The following ANKFN1 variants were observed in gnomAD, a reference collection of about 807,000 sequenced individuals.
ANKFN1 encodes ankyrin repeat and fibronectin type-III domain-containing protein 1.
Under a neutral mutation model 108.7 loss-of-function variants are expected in ANKFN1, and 74 were observed. That is an observed-to-expected ratio of 0.68 (90% CI 0.56 to 0.83). The LOEUF (loss-of-function observed/expected upper bound fraction) is 0.83, where lower values mean the gene tolerates loss of function less well. Among genes scored for constraint, ANKFN1 ranks in the 40% least tolerant of loss-of-function variants. ANKFN1 has a pLI of 0.00. For missense variants in ANKFN1, 1,505 were observed against 1,382.3 expected, an observed-to-expected ratio of 1.09 and a Z score of -1.41; for synonymous variants, 547 against 516.2, an observed-to-expected ratio of 1.06 and a Z score of -0.81.
At chr17:56,440,083 A>G (rs1462425516) in intron 8 of ANKFN1, among the ~76,000 whole-genome samples, 1 of 70,284 alleles carries the variant, frequency 1.4e-5, no homozygotes, top group African/African-American at 3.8e-5. Context: ...ATATTTATCA[A>G]GGCTCAAAAA....
At chr17:56,352,994 TC>T (rs2144680027) in intron 5 of ANKFN1, among the ~76,000 whole-genome samples, 1 of 152,180 alleles carries the variant, frequency 6.6e-6, no homozygotes, top group Non-Finnish European at 1.5e-5. Context: ...GAAAGTGTAC[TC>T]TCAATTCCAA....
At chr17:56,309,881 T>C (rs921765890) in intron 3 of ANKFN1, among the ~76,000 whole-genome samples, 1 of 152,188 alleles carries the variant, frequency 6.6e-6, no homozygotes. Context: ...ACCTTTCTTC[T>C]TGTGATGATG....
At chr17:56,385,472 G>T (rs1290265280) in intron 8 of ANKFN1, among the ~76,000 whole-genome samples, 4 of 152,104 alleles carry the variant, frequency 2.6e-5, no homozygotes, top group African/African-American at 9.7e-5. Flanking sequence ...TGACAAATGG[G>T]ATCTAATTAA....
chr17:56,288,249 T>A (rs1247402583), intron 3 of ANKFN1, among the ~76,000 whole-genome samples: 1 of 152,196 alleles, frequency 6.6e-6, no homozygotes. Context: ...TAGTTTCCTG[T>A]GTAAGCTTTC....
chr17:56,271,721 G>T (rs963700061), intron 3 of ANKFN1, among the ~76,000 whole-genome samples: 5 of 151,494 alleles, frequency 3.3e-5, no homozygotes, highest in Non-Finnish European at 5.9e-5. Flanking sequence ...TAGAAGGCTT[G>T]ATGCTATAAG....
At chr17:56,301,315 C>T (rs1188953284) in intron 3 of ANKFN1, among the ~76,000 whole-genome samples, 4 of 152,214 alleles carry the variant, frequency 2.6e-5, no homozygotes, top group Admixed American at 2.6e-4. Flanking sequence ...AACATGCTCA[C>T]CGCCAGATTG....
intron 4 of ANKFN1, among the ~76,000 whole-genome samples, chr17:56,093,045 T>A (rs938349583): frequency 2.0e-5 from 3 of 151,144 alleles, no homozygotes; most frequent in Non-Finnish European, 4.4e-5. Flanking sequence ...AACAAATTAA[T>A]AATTTTAATC....
chr17:56,136,551 GA>G (rs1469762441), intron 4 of ANKFN1, among the ~76,000 whole-genome samples: 1 of 151,798 alleles, frequency 6.6e-6, no homozygotes, highest in African/African-American at 2.4e-5. Flanking sequence ...TCAGAGAGAG[GA>G]AAAAAAGACC....
rs921644398 is a variant in ANKFN1, at chr17:56,516,064, C to T, written c.*4795C>T. 1.3e-5 allele frequency among the ~76,000 whole-genome samples: 2 copies of T among 152,080 alleles called. No individual in the cohort carries two copies. Among genetic ancestry groups the T allele is most frequent in the African/African-American group, 4.8e-5 (2 of 41,408 alleles). Reference sequence around the variant, plus strand: ...GCTCTTTGCTCCTCTTCCTGCAGTCCATGCCATGAAAGTCTGAATATACTT... The same window carrying T: ...GCTCTTTGCTCCTCTTCCTGCAGTCTATGCCATGAAAGTCTGAATATACTT... On this transcript the variant is annotated 3_prime_UTR_variant, in exon 21 of 21. Coordinates refer to ENST00000682825, the MANE Select transcript of ANKFN1 (RefSeq NM_001370326.1).
intron 1 of ANKFN1, among the ~76,000 whole-genome samples, chr17:56,160,617 CAG>C (rs2143499748): frequency 6.6e-6 from 1 of 152,270 alleles, no homozygotes; most frequent in South Asian, 2.1e-4. Context: ...AAAAATGGAA[CAG>C]AGCTCTCATG....
intron 4 of ANKFN1, among the ~76,000 whole-genome samples, chr17:56,121,178 A>G (rs557193613): frequency 6.7e-6 from 1 of 150,286 alleles, no homozygotes; most frequent in African/African-American, 2.4e-5. Context: ...CTTCTTTTTA[A>G]AAGATCTTAT....
intron 1 of ANKFN1, among the ~76,000 whole-genome samples, chr17:56,171,217 C>T (rs935222277): frequency 2.6e-5 from 4 of 152,084 alleles, no homozygotes; most frequent in Non-Finnish European, 4.4e-5. Context: ...ATTTCCATCT[C>T]CCCTGGCCTT....
intron 3 of ANKFN1, among the ~76,000 whole-genome samples, chr17:56,249,781 A>G (rs989428829): frequency 6.6e-6 from 1 of 152,130 alleles, no homozygotes; most frequent in Non-Finnish European, 1.5e-5. Context: ...TAGATTGTTC[A>G]GTGCTGTGGA....
At chr17:56,346,044 C>A (rs1396211991) in intron 4 of ANKFN1, among the ~76,000 whole-genome samples, 1 of 152,072 alleles carries the variant, frequency 6.6e-6, no homozygotes, top group African/African-American at 2.4e-5. Flanking sequence ...AGTTTTTAAT[C>A]CATCTTGAGT....
intron 2 of ANKFN1, among the ~76,000 whole-genome samples, chr17:56,216,136 T>G (rs1283824553): frequency 6.6e-6 from 1 of 152,220 alleles, no homozygotes; most frequent in Non-Finnish European, 1.5e-5. Flanking sequence ...GTATGAAGCC[T>G]TCATAATATT....
chr17:56,124,838 T>C (rs1264347085), intron 4 of ANKFN1, among the ~76,000 whole-genome samples: 3 of 152,228 alleles, frequency 2.0e-5, no homozygotes, highest in Non-Finnish European at 2.9e-5. Context: ...TCTCCCCATA[T>C]TTTTAACCCA....
chr17:56,491,175 T>C (rs1354907998), intron 18 of ANKFN1, among the ~76,000 whole-genome samples: 2 of 152,142 alleles, frequency 1.3e-5, no homozygotes, highest in African/African-American at 4.8e-5. Flanking sequence ...AATTCCTCAC[T>C]AAAGAAGCCA....
intron 1 of ANKFN1, among the ~76,000 whole-genome samples, chr17:56,193,065 T>A (rs1249300697): frequency 2.2e-5 from 2 of 89,390 alleles, no homozygotes; most frequent in African/African-American, 6.2e-5. Context: ...TGGAATGCTA[T>A]GCAGCCATAA....
chr17:56,316,757 A>G (rs940421842), intron 3 of ANKFN1, among the ~76,000 whole-genome samples: 1 of 152,178 alleles, frequency 6.6e-6, no homozygotes, highest in Non-Finnish European at 1.5e-5. Flanking sequence ...AGCTATCCAG[A>G]TTCCTCACCC....
Sources: gnomAD v4.1 joint callset for allele counts (sites outside exome capture counted in the v4.1 genomes callset) on GRCh38, gnomAD v4.1.1 for gene constraint, MANE v1.5 for transcripts, NCBI Gene and HGNC (gene_info 2026-07-23, HGNC 2026-07-21) for gene names.